Variants in EIF2D observed in about 807,000 individuals in gnomAD.
EIF2D encodes the protein hepatocellular carcinoma-associated antigen 56.
EIF2D carries 56 observed loss-of-function variants against 77.4 expected under a neutral mutation model. The ratio of observed to expected loss-of-function variants is 0.72; its 90% CI spans 0.58 to 0.90. The LOEUF (loss-of-function observed/expected upper bound fraction) is 0.90. Ranked by LOEUF, EIF2D falls within the 40% of genes least tolerant of loss-of-function variation. The pLI is 0.00. For missense variants in EIF2D, 574 were observed against 706.5 expected (o/e 0.81, Z 2.13); for synonymous variants, 230 against 271.0 (o/e 0.85, Z 1.49).
At position 206,599,669 on chromosome 1, in the gene EIF2D, C is replaced by T; in HGVS notation, c.1053-57G>A. Reference sequence around the variant, plus strand: ...ATTTTATACTAGCATCTCAGCAATCCCCAGTCCGTGGCCCAGGTGCCCTGG... The same window carrying T: ...ATTTTATACTAGCATCTCAGCAATCTCCAGTCCGTGGCCCAGGTGCCCTGG... On this transcript the variant is annotated intron_variant, in intron 9 of 14. Coordinates refer to ENST00000271764, the MANE Select transcript of EIF2D (RefSeq NM_006893.3). The surrounding 1 kb of genome is among the most constrained non-coding windows in gnomAD (Gnocchi z 4.1). The T allele has an allele frequency of 6.2e-7, 1 of 1,611,666 alleles. No individual in the cohort carries two copies. Among genetic ancestry groups the T allele is most frequent in the Non-Finnish European group, 8.5e-7 (1 of 1,178,900 alleles).
chr1:206,571,231 G>T (rs1553404152), downstream of EIF2D: 1 of 150,926 alleles, frequency 6.6e-6, no homozygotes, highest in Admixed American at 6.6e-5. Flanking sequence ...ATCATATATA[G>T]ATCTTCTTTA....
At chr1:206,610,999 C>T in intron 2 of EIF2D, 185 bp downstream of exon 2, 1 of 545,546 alleles carries the variant, frequency 1.8e-6, no homozygotes, top group Non-Finnish European at 3.2e-6. Context: ...TAAGAGAAAA[C>T]CTTTTGCATC....
downstream of EIF2D, among the ~76,000 whole-genome samples, chr1:206,570,429 G>A (rs910533219): frequency 9.2e-5 from 14 of 152,070 alleles, no homozygotes; most frequent in Non-Finnish European, 1.5e-5. Context: ...GTGCAGTGAC[G>A]TTAAGTATAA....
intron 4 of EIF2D, among the ~76,000 whole-genome samples, chr1:206,580,281 C>T (rs1257757380): frequency 6.6e-6 from 1 of 152,214 alleles, no homozygotes; most frequent in Non-Finnish European, 1.5e-5. Context: ...CCTTTTCTTA[C>T]GGGGAAATGG....
Position 206,584,844 on chromosome 1 carries a change from G to A in EIF2D, c.139-3682C>T. 1.3e-6 allele frequency: 1 copy of A among 755,442 alleles called. No homozygotes were observed. Among genetic ancestry groups the A allele is most frequent in the Non-Finnish European group, 2.1e-6 (1 of 471,394 alleles). 46.8% of individuals were successfully genotyped at this position (755,442 alleles called of 1,614,324 possible). A position where few individuals can be genotyped will look rare whatever the true frequency, so the allele number is the denominator to read the frequency against. On this transcript the variant is annotated intron_variant and NMD_transcript_variant, in intron 2 of 5. Coordinates refer to the EIF2D transcript ENST00000472709. This position sits in a 1 kb window ranked among gnomAD's most constrained non-coding sequence, Gnocchi z 4.9. ...TGTTCAGATCTGTGGAATCCGGGCA[G>A]GGAGGCAAGAGCAGAGTCCCTGACT...
In EIF2D at chr1:206,593,509, G is replaced by GTGTGTGTGTGCA. The variant is rs1553409355; in HGVS notation, c.1684+109_1684+110insTGCACACACACA. ...AGAGCGAGAGAGAGAGAGAGAGAGA[G>GTGTGTGTGTGCA]TGTGTGTGTGTGTGTGTGTGTGTGT... On this transcript the variant is annotated intron_variant, in intron 14 of 14. Coordinates refer to ENST00000271764, the MANE Select transcript of EIF2D (RefSeq NM_006893.3). 96 of 320,396 alleles carry GTGTGTGTGTGCA rather than the reference G, an allele frequency of 3.0e-4. No homozygotes were observed. In the Admixed American group the frequency reaches 5.9e-3, roughly 20 times the overall value. The allele number at this position is 320,396 out of a possible 1,614,324, so 19.8% of individuals were successfully genotyped here.
At chr1:206,583,738 C>A (rs12724616) in intron 2 of EIF2D, 3 of 259,444 alleles carry the variant, frequency 1.2e-5, no homozygotes, top group Non-Finnish European at 2.3e-5. Flanking sequence ...CCCCTTCCTA[C>A]CCCTTCGATT....
chr1:206,569,794 A>T (rs1035852697), downstream of EIF2D, among the ~76,000 whole-genome samples: 4 of 152,154 alleles, frequency 2.6e-5, no homozygotes, highest in Non-Finnish European at 5.9e-5. Flanking sequence ...CGACTGCAGC[A>T]GCTCCTTTGA....
At chr1:206,609,739 T>G (rs1383683659) in intron 2 of EIF2D, among the ~76,000 whole-genome samples, 1 of 152,184 alleles carries the variant, frequency 6.6e-6, no homozygotes, top group East Asian at 1.9e-4. Context: ...CCAATGAAGC[T>G]TTTATTTACG....
At chr1:206,574,340 T>G (rs1285256999) in intron 4 of EIF2D, among the ~76,000 whole-genome samples, 1 of 152,210 alleles carries the variant, frequency 6.6e-6, no homozygotes, top group Non-Finnish European at 1.5e-5. Flanking sequence ...TCAGGTCACC[T>G]GCAGACTCCC....
intron 13 of EIF2D, chr1:206,594,004 T>C (rs1669515706): frequency 2.4e-6 from 1 of 423,482 alleles, no homozygotes; most frequent in African/African-American, 2.0e-5. Context: ...ATTACATATT[T>C]AGAGGGACAG....
At chr1:206,578,232 AAGTGTGT>A (rs1377040983) in intron 4 of EIF2D, among the ~76,000 whole-genome samples, 153 of 130,516 alleles carry the variant, frequency 1.2e-3, no homozygotes, top group African/African-American at 2.2e-3. Context: ...CAAAAAAAAA[AAGTGTGT>A]GTGTGTGTGT....
In EIF2D at chr1:206,579,661, A is replaced by AT. The variant is rs61664382; in HGVS notation, c.*254+1030dup. 0.038 allele frequency among the ~76,000 whole-genome samples: 5,730 copies of AT among 152,218 alleles called. 332 individuals are homozygous for AT. The highest frequency in any genetic ancestry group is 0.13 in the African/African-American group (5,289 of 41,518). Reference sequence around the variant, plus strand: ...GCTGCGAATTAAAATCAACTAGGAGATTTTTAAAATTCCCATGCCCAGACT... The same window carrying AT: ...GCTGCGAATTAAAATCAACTAGGAGATTTTTTAAAATTCCCATGCCCAGACT... On this transcript the variant is annotated intron_variant and NMD_transcript_variant, in intron 4 of 5. Coordinates refer to the EIF2D transcript ENST00000472709. This position sits in a 1 kb window ranked among gnomAD's most constrained non-coding sequence, Gnocchi z 4.2.
At chr1:206,572,167 T>C (rs974958064) in intron 5 of EIF2D, among the ~76,000 whole-genome samples, 2 of 151,638 alleles carry the variant, frequency 1.3e-5, no homozygotes, top group Non-Finnish European at 2.9e-5. Context: ...ACATTTATTT[T>C]GGGGTTTAGG....
chr1:206,577,155 G>A (rs538973308), intron 4 of EIF2D, among the ~76,000 whole-genome samples: 57 of 152,228 alleles, frequency 3.7e-4, no homozygotes, highest in Admixed American at 1.3e-3. Context: ...TCCAGTAGCT[G>A]CTTTTGTGCC....
At chr1:206,574,396 T>C (rs1198314026) in intron 4 of EIF2D, among the ~76,000 whole-genome samples, 1 of 152,228 alleles carries the variant, frequency 6.6e-6, no homozygotes, top group East Asian at 1.9e-4. Flanking sequence ...AAGGTGCCTT[T>C]CACGATCCTC....
downstream of EIF2D, chr1:206,587,351 G>C (rs1293342233): frequency 9.3e-6 from 3 of 323,622 alleles, no homozygotes; most frequent in Non-Finnish European, 1.8e-5. Context: ...TTCTTTCTCT[G>C]GCATTGATTC....
chr1:206,601,977 C>G, intron 7 of EIF2D: 1 of 198,774 alleles, frequency 5.0e-6, no homozygotes. Flanking sequence ...GAAGAAGATT[C>G]CTGACAAAGA....
At chr1:206,609,209 C>T (rs531705522) in intron 3 of EIF2D, among the ~76,000 whole-genome samples, 167 bp downstream of exon 3, 1 of 152,274 alleles carries the variant, frequency 6.6e-6, no homozygotes, top group East Asian at 1.9e-4. Flanking sequence ...CCAGAGGGGC[C>T]CAGAGATCTT....
Sources: allele counts gnomAD v4.1 joint callset (sites outside exome capture counted in the v4.1 genomes callset), GRCh38; gene constraint gnomAD v4.1.1; non-coding constraint Gnocchi (gnomAD v3.1); transcripts MANE v1.5; gene names NCBI Gene and HGNC (gene_info 2026-07-23, HGNC 2026-07-21).